The following MILR1 variants were observed in gnomAD, a reference collection of about 807,000 sequenced individuals.
MILR1 encodes allergin-1.
Under a neutral mutation model 18.5 loss-of-function variants are expected in MILR1, and 31 were observed. That is an observed-to-expected ratio of 1.68 (90% CI 1.26 to 2.26). The LOEUF (loss-of-function observed/expected upper bound fraction) is 2.26. Ranked by LOEUF, MILR1 falls within the 30% of genes most tolerant of loss-of-function variation. The pLI, the probability that MILR1 is intolerant of heterozygous loss-of-function variation, is 0.00. For missense variants in MILR1, 257 were observed against 157.4 expected (o/e 1.63, Z -3.38); for synonymous variants, 85 against 56.2 (o/e 1.51, Z -2.30).
At chr17:64,492,078 C>A in the MILR1 span, among the ~76,000 whole-genome samples, 1 of 152,040 alleles carries the variant, frequency 6.6e-6, no homozygotes, top group Non-Finnish European at 1.5e-5. Context: ...ACTTTTATGG[C>A]CAATGAAGAG....
At chr17:64,471,372 A>C (rs546342045), downstream of MILR1, among the ~76,000 whole-genome samples, 2 of 152,212 alleles carry the variant, frequency 1.3e-5, no homozygotes, top group East Asian at 3.9e-4. Flanking sequence ...TCCAACGCTC[A>C]CTGGTTGAGG....
chr17:64,481,393 G>T, the MILR1 span: 1 of 985,372 alleles, frequency 1.0e-6, no homozygotes. Context: ...CCGCATTCAG[G>T]TCTGGGCTGG....
At chr17:64,451,901 C>T (rs1369169379) in intron 2 of MILR1, among the ~76,000 whole-genome samples, 1 of 150,842 alleles carries the variant, frequency 6.6e-6, no homozygotes, top group Non-Finnish European at 1.5e-5. Context: ...CACTGCGCTC[C>T]AGCCTGGGCA....
At chr17:64,485,773 C>T in the MILR1 span, 18 of 1,613,082 alleles carry the variant, frequency 1.1e-5, no homozygotes, top group African/African-American at 1.3e-5. Context: ...TCTCTGTCAG[C>T]TGGAAAGAAT....
At chr17:64,469,863 C>G (rs1162198635), downstream of MILR1, among the ~76,000 whole-genome samples, 1 of 152,172 alleles carries the variant, frequency 6.6e-6, no homozygotes, top group East Asian at 1.9e-4. Context: ...TTTACCCTGT[C>G]AGGCTCTACT....
chr17:64,483,027 A>C, the MILR1 span: 1 of 1,151,210 alleles, frequency 8.7e-7, no homozygotes. Flanking sequence ...GGGAGGGAGA[A>C]GACAGGAAAG....
the MILR1 span, among the ~76,000 whole-genome samples, chr17:64,488,261 T>G: frequency 6.6e-6 from 1 of 151,906 alleles, no homozygotes; most frequent in Non-Finnish European, 1.5e-5. Context: ...GCATACTAAA[T>G]GACAGAAATT....
the MILR1 span, chr17:64,492,535 T>G: frequency 1.6e-6 from 1 of 644,396 alleles, no homozygotes; most frequent in Non-Finnish European, 2.7e-6. Flanking sequence ...TTACAAAGAG[T>G]TTTTGTATTT....
At chr17:64,491,808 T>C in the MILR1 span, 1 of 501,782 alleles carries the variant, frequency 2.0e-6, no homozygotes, top group Non-Finnish European at 3.7e-6. Flanking sequence ...TGCTCTGCAC[T>C]CCCCCAGCAA....
intron 4 of MILR1, among the ~76,000 whole-genome samples, chr17:64,458,850 G>T (rs1430833894): frequency 6.6e-6 from 1 of 152,060 alleles, no homozygotes; most frequent in Non-Finnish European, 1.5e-5. Context: ...TCATCCTCCC[G>T]AGGGTGGCCC....
the MILR1 span, chr17:64,491,620 G>T: frequency 1.3e-6 from 2 of 1,523,544 alleles, no homozygotes; most frequent in East Asian, 4.5e-5. Context: ...AGCCCTAGTG[G>T]CCTTGATGGA....
At chr17:64,487,232 T>C in the MILR1 span, 3 of 152,214 alleles carry the variant, frequency 2.0e-5, no homozygotes, top group Admixed American at 6.5e-5. Flanking sequence ...TCACAAGAAT[T>C]TGCCCTCAAA....
chr17:64,467,184 C>T (rs996720281), intron 8 of MILR1, among the ~76,000 whole-genome samples: 11 of 151,912 alleles, frequency 7.2e-5, no homozygotes, highest in African/African-American at 2.7e-4. Flanking sequence ...CAGCTCACTG[C>T]ACCCTCTACC....
chr17:64,469,086 TAAGAAAAGAAAAGAGAAAAG>T (rs2037646322), downstream of MILR1, among the ~76,000 whole-genome samples: 1 of 147,112 alleles, frequency 6.8e-6, no homozygotes, highest in Admixed American at 6.9e-5. Context: ...GACCCTGTGT[TAAGAAAAGAAAAGAGAAAAG>T]AAGAAAAGAA....
chr17:64,467,799 G>A (rs1179656773), intron 9 of MILR1, 154 bp downstream of exon 9: 5 of 506,982 alleles, frequency 9.9e-6, no homozygotes, highest in African/African-American at 7.8e-5. Context: ...GCCAGGTGTG[G>A]TGGTGTGTGT....
At chr17:64,496,884 G>A in the MILR1 span, 1 of 1,613,360 alleles carries the variant, frequency 6.2e-7, no homozygotes, top group Non-Finnish European at 8.5e-7. Context: ...AGCTCCGGCT[G>A]CCCCGCATCT....
chr17:64,469,803 G>A (rs961949211), downstream of MILR1, among the ~76,000 whole-genome samples: 4 of 152,184 alleles, frequency 2.6e-5, no homozygotes, highest in Non-Finnish European at 5.9e-5. Flanking sequence ...GTCCGCAGAT[G>A]CTGCAGTCTT....
chr17:64,492,871 C>A, the MILR1 span: 2 of 1,613,418 alleles, frequency 1.2e-6, no homozygotes, highest in Non-Finnish European at 1.7e-6. Context: ...AATACAAGGC[C>A]AAGTTATTTG....
At chr17:64,481,916 AAAT>A in the MILR1 span, among the ~76,000 whole-genome samples, 1 of 151,742 alleles carries the variant, frequency 6.6e-6, no homozygotes, top group Non-Finnish European at 1.5e-5. Context: ...AAGGGGAAAG[AAAT>A]AATTCACATT....
Sources: allele counts gnomAD v4.1 joint callset (sites outside exome capture counted in the v4.1 genomes callset), GRCh38; gene constraint gnomAD v4.1.1; transcripts MANE v1.5; gene names NCBI Gene and HGNC (gene_info 2026-07-23, HGNC 2026-07-21).